DGKB: variants seen among roughly 807,000 people sequenced by gnomAD.
DGKB encodes the protein diacylglycerol kinase beta.
DGKB carries 67 observed loss-of-function variants against 114.3 expected under a neutral mutation model. The observed-to-expected ratio is 0.59, with a 90% CI of 0.48 to 0.72. The LOEUF (loss-of-function observed/expected upper bound fraction) is 0.72, where lower values mean the gene tolerates loss of function less well. DGKB is among the 30% of genes least tolerant of loss of function. The pLI, the probability that DGKB is intolerant of heterozygous loss-of-function variation, is 0.00. For synonymous variants in DGKB, 398 were observed against 323.1 expected (o/e 1.23, Z -2.49); for missense variants, 907 against 975.2 (o/e 0.93, Z 0.93).
intron 15 of DGKB, among the ~76,000 whole-genome samples, chr7:14,615,782 T>C (rs1806398554): frequency 1.3e-5 from 2 of 151,778 alleles, no homozygotes; most frequent in South Asian, 2.1e-4. Context: ...ATAAGTAAAA[T>C]TGTGGATATT....
intron 23 of DGKB, among the ~76,000 whole-genome samples, chr7:14,257,496 T>C (rs1239540335): frequency 6.6e-6 from 1 of 152,068 alleles, no homozygotes; most frequent in African/African-American, 2.4e-5. Context: ...ATAATCCCCA[T>C]GTATCCTGGG....
chr7:14,606,062 C>A (rs1298017594), intron 17 of DGKB, among the ~76,000 whole-genome samples: 1 of 152,012 alleles, frequency 6.6e-6, no homozygotes, highest in Non-Finnish European at 1.5e-5. Context: ...TTACAGGGGT[C>A]TTAGAATGGC....
At chr7:14,638,026 A>G (rs1031143721) in intron 13 of DGKB, among the ~76,000 whole-genome samples, 24 of 152,118 alleles carry the variant, frequency 1.6e-4, no homozygotes, top group African/African-American at 5.5e-4. Flanking sequence ...TACATGGAAA[A>G]CTATATTGCT....
At chr7:14,732,671 T>C (rs977033861) in intron 5 of DGKB, among the ~76,000 whole-genome samples, 3 of 152,180 alleles carry the variant, frequency 2.0e-5, no homozygotes, top group Non-Finnish European at 2.9e-5. Context: ...CATTGCTGCA[T>C]GAGGACTACA....
At chr7:14,567,066 G>GTA (rs201026670) in intron 20 of DGKB, among the ~76,000 whole-genome samples, 5,582 of 118,878 alleles carry the variant, frequency 0.047, 369 homozygotes, top group East Asian at 0.34. Flanking sequence ...GAGATGACCT[G>GTA]TATATATATA....
intron 17 of DGKB, among the ~76,000 whole-genome samples, chr7:14,583,419 A>G (rs189694243): frequency 1.1e-4 from 16 of 152,268 alleles, no homozygotes; most frequent in African/African-American, 3.4e-4. Flanking sequence ...TTAGTAAATT[A>G]TAATAATTTT....
intron 21 of DGKB, among the ~76,000 whole-genome samples, chr7:14,398,469 T>A (rs182204535): frequency 1.3e-5 from 2 of 152,138 alleles, no homozygotes; most frequent in East Asian, 3.9e-4. Context: ...TTTTGACAAA[T>A]TCACACTATC....
At chr7:14,357,046 A>G (rs201445620) in intron 21 of DGKB, among the ~76,000 whole-genome samples, 2 of 152,110 alleles carry the variant, frequency 1.3e-5, no homozygotes, top group African/African-American at 2.4e-5. Flanking sequence ...TAAGTGCAAT[A>G]TGGTGCTGAG....
chr7:14,833,827 C>A (rs1017362844), intron 2 of DGKB, among the ~76,000 whole-genome samples: 1 of 152,046 alleles, frequency 6.6e-6, no homozygotes, highest in African/African-American at 2.4e-5. Flanking sequence ...TCCCCCACCT[C>A]TACTCAATAC....
At chr7:14,371,287 A>T (rs1010693397) in intron 21 of DGKB, among the ~76,000 whole-genome samples, 2 of 152,200 alleles carry the variant, frequency 1.3e-5, no homozygotes, top group African/African-American at 2.4e-5. Context: ...TCCCACCAGC[A>T]GTGTATAAGC....
At chr7:14,732,708 G>C (rs1454128262) in intron 5 of DGKB, among the ~76,000 whole-genome samples, 1 of 152,132 alleles carries the variant, frequency 6.6e-6, no homozygotes, top group African/African-American at 2.4e-5. Context: ...CATGTAGTCT[G>C]TGTAGAATGC....
intron 13 of DGKB, among the ~76,000 whole-genome samples, chr7:14,631,789 A>T (rs187954149): frequency 6.6e-6 from 1 of 152,146 alleles, no homozygotes; most frequent in Non-Finnish European, 1.5e-5. Flanking sequence ...TTGAAGCTTA[A>T]GGTCTGAATA....
chr7:14,959,475 T>G (rs1786717079), intron 1 of DGKB, among the ~76,000 whole-genome samples: 1 of 152,002 alleles, frequency 6.6e-6, no homozygotes, highest in Admixed American at 6.6e-5. Flanking sequence ...ATAATCCAGC[T>G]TCTTGAATTT....
chr7:14,648,029 G>C (rs1432366090), intron 13 of DGKB, among the ~76,000 whole-genome samples: 1 of 152,238 alleles, frequency 6.6e-6, no homozygotes, highest in African/African-American at 2.4e-5. Flanking sequence ...TAGCACAGCA[G>C]TCTGAGATCA....
At chr7:14,888,491 T>C (rs568080833) in intron 1 of DGKB, among the ~76,000 whole-genome samples, 19 of 151,886 alleles carry the variant, frequency 1.3e-4, no homozygotes, top group South Asian at 1.0e-3. Context: ...GGATTGATCA[T>C]TGCTTAGAAT....
chr7:14,748,634 C>T (rs894472823), intron 4 of DGKB, among the ~76,000 whole-genome samples: 4 of 152,098 alleles, frequency 2.6e-5, no homozygotes, highest in Non-Finnish European at 4.4e-5. Context: ...CTGGGCAGAG[C>T]ATACAGGATA....
At chr7:14,952,063 T>C (rs1053532442) in intron 1 of DGKB, among the ~76,000 whole-genome samples, 1 of 148,834 alleles carries the variant, frequency 6.7e-6, no homozygotes, top group East Asian at 2.0e-4. Flanking sequence ...GGTCAGACAA[T>C]TGCTTGCAGT....
chr7:14,250,667 T>C (rs904377218), intron 23 of DGKB, among the ~76,000 whole-genome samples: 1 of 152,210 alleles, frequency 6.6e-6, no homozygotes, highest in African/African-American at 2.4e-5. Context: ...ATTTGGTCAG[T>C]AGTGTTGTAG....
chr7:14,947,569 T>C (rs765379714), intron 1 of DGKB, among the ~76,000 whole-genome samples: 18 of 71,726 alleles, frequency 2.5e-4, no homozygotes, highest in African/African-American at 1.1e-3. Flanking sequence ...ATGATACTCA[T>C]AGGAGAAAAA....
Sources: allele counts gnomAD v4.1 joint callset (sites outside exome capture counted in the v4.1 genomes callset), GRCh38; gene constraint gnomAD v4.1.1; transcripts MANE v1.5; gene names NCBI Gene and HGNC (gene_info 2026-07-23, HGNC 2026-07-21).